The following SPTBN1 variants were observed in gnomAD, a reference collection of about 807,000 sequenced individuals.
SPTBN1 encodes spectrin beta chain, non-erythrocytic 1.
A neutral mutation model predicts 266.4 loss-of-function variants in SPTBN1; 32 were observed. That is an observed-to-expected ratio of 0.12 (90% CI 0.09 to 0.16). The LOEUF is 0.16. Ranked by LOEUF, SPTBN1 falls within the 10% of genes least tolerant of loss-of-function variation. The pLI is 1.00. For missense variants in SPTBN1, 2,296 were observed against 3,067.1 expected, an observed-to-expected ratio of 0.75 and a Z score of 5.94; for synonymous variants, 1,336 against 1,162.2, an observed-to-expected ratio of 1.15 and a Z score of -3.04.
At chr2:54,513,993 T>C (rs73932789) in intron 1 of SPTBN1, among the ~76,000 whole-genome samples, 1 of 152,190 alleles carries the variant, frequency 6.6e-6, no homozygotes, top group South Asian at 2.1e-4. Context: ...TTAGAGAGTA[T>C]TATATGTAAG....
At chr2:54,627,639 G>T (rs1678442793) in intron 12 of SPTBN1, among the ~76,000 whole-genome samples, 1 of 152,186 alleles carries the variant, frequency 6.6e-6, no homozygotes, top group South Asian at 2.1e-4. Flanking sequence ...ACTTCTAAAA[G>T]ATTTCTTTCA....
chr2:54,668,105 G>A (rs908573125), intron 35 of SPTBN1, among the ~76,000 whole-genome samples: 2 of 152,200 alleles, frequency 1.3e-5, no homozygotes, highest in Non-Finnish European at 1.5e-5. Flanking sequence ...ATTGAGACTG[G>A]TCTTCCAGCT....
intron 2 of SPTBN1, among the ~76,000 whole-genome samples, chr2:54,555,899 C>T (rs1400578623): frequency 1.3e-5 from 2 of 152,202 alleles, no homozygotes; most frequent in Admixed American, 6.5e-5. Context: ...ACCTACCTTT[C>T]TCCAAAAGGC....
chr2:54,514,951 T>G (rs1305663228), intron 1 of SPTBN1, among the ~76,000 whole-genome samples: 3 of 152,320 alleles, frequency 2.0e-5, no homozygotes, highest in African/African-American at 7.2e-5. Context: ...GACTAGCAAA[T>G]TAACCACAAC....
chr2:54,465,449 T>C (rs1220962818), intron 1 of SPTBN1, among the ~76,000 whole-genome samples: 1 of 152,128 alleles, frequency 6.6e-6, no homozygotes, highest in Non-Finnish European at 1.5e-5. Flanking sequence ...AGTGAACATT[T>C]TAAAATAAAA....
intron 1 of SPTBN1, among the ~76,000 whole-genome samples, chr2:54,510,483 A>G (rs1210197655): frequency 6.6e-6 from 1 of 152,232 alleles, no homozygotes; most frequent in Non-Finnish European, 1.5e-5. Flanking sequence ...CTCTCTGTGC[A>G]GAGTCATAGA....
intron 2 of SPTBN1, among the ~76,000 whole-genome samples, chr2:54,555,926 T>C (rs375141023): frequency 1.3e-5 from 2 of 152,238 alleles, no homozygotes; most frequent in East Asian, 1.9e-4. Context: ...GTCCTCCTTG[T>C]CCTCTGAATT....
intron 1 of SPTBN1, among the ~76,000 whole-genome samples, chr2:54,521,567 G>A (rs558854359): frequency 6.6e-6 from 1 of 152,284 alleles, no homozygotes; most frequent in South Asian, 2.1e-4. Context: ...GGGCTGGAGT[G>A]CAGTGACACG....
chr2:54,552,772 C>A (rs566903556), intron 2 of SPTBN1, among the ~76,000 whole-genome samples: 45 of 152,346 alleles, frequency 3.0e-4, no homozygotes, highest in Admixed American at 2.7e-3. Context: ...TGCTTTTAAC[C>A]ACTTTTTCTC....
In SPTBN1 at chr2:54,653,600, G is replaced by T. The variant is rs1236669437; in HGVS notation, c.5578-9G>T. 3 of 1,612,724 alleles carry T rather than the reference G, an allele frequency of 1.9e-6. No homozygotes were observed. Among genetic ancestry groups the T allele is most frequent in the Admixed American group, 1.7e-5 (1 of 59,660 alleles). Reference sequence around the variant, plus strand: ...GCTGACCTGGCTCATCCCCTACATGGCTTCACAGGTGAGGCAGCTGCAGGA... The same window carrying T: ...GCTGACCTGGCTCATCCCCTACATGTCTTCACAGGTGAGGCAGCTGCAGGA... On this transcript the variant is annotated splice_polypyrimidine_tract_variant and intron_variant, in intron 26 of 35. Coordinates refer to ENST00000356805, the MANE Select transcript of SPTBN1 (RefSeq NM_003128.3). This position sits in a 1 kb window ranked among gnomAD's most constrained non-coding sequence, Gnocchi z 5.1.
intron 4 of SPTBN1, among the ~76,000 whole-genome samples, chr2:54,615,862 T>C (rs935876504): frequency 6.6e-6 from 1 of 152,192 alleles, no homozygotes; most frequent in Non-Finnish European, 1.5e-5. Context: ...AAAACCGAAC[T>C]CAGTATTTTT....
At chr2:54,604,794 C>T (rs1443596233) in intron 3 of SPTBN1, among the ~76,000 whole-genome samples, 15 of 152,086 alleles carry the variant, frequency 9.9e-5, no homozygotes. Context: ...GAAAAAAACA[C>T]AGGAATCCAC....
chr2:54,633,806 G>A (rs2103960299), intron 17 of SPTBN1, among the ~76,000 whole-genome samples: 1 of 152,296 alleles, frequency 6.6e-6, no homozygotes, highest in East Asian at 1.9e-4. Flanking sequence ...AATAAGATGG[G>A]TGGAGAGGGG....
chr2:54,536,719 T>C (rs1431339955), intron 2 of SPTBN1, among the ~76,000 whole-genome samples: 1 of 152,112 alleles, frequency 6.6e-6, no homozygotes, highest in Non-Finnish European at 1.5e-5. Context: ...CAAAGATATG[T>C]GTGTGGTGGA....
chr2:54,508,597 C>T (rs1003968284), intron 1 of SPTBN1, among the ~76,000 whole-genome samples: 1 of 151,982 alleles, frequency 6.6e-6, no homozygotes, highest in Non-Finnish European at 1.5e-5. Flanking sequence ...ATAGAATGGG[C>T]CTGTGAGACT....
rs1572760597 is a variant in SPTBN1 at position 54,653,547 on chromosome 2, T to C, written c.5578-62T>C. On this transcript the variant is annotated intron_variant, in intron 26 of 35. Transcript: ENST00000356805. The surrounding 1 kb of genome is among the most constrained non-coding windows in gnomAD (Gnocchi z 5.1). ...TGTATGAGCAGAACAGAATAGGGCT[T>C]GGGGTGATGGTGGGAAGGCCGCCAT... The C allele has an allele frequency of 2.5e-6, 4 of 1,590,316 alleles. No homozygotes were observed. The highest frequency in any genetic ancestry group is 3.4e-6 in the Non-Finnish European group (4 of 1,173,590).
chr2:54,635,000 A>T (rs1035582419), intron 17 of SPTBN1, among the ~76,000 whole-genome samples: 3 of 152,140 alleles, frequency 2.0e-5, no homozygotes, highest in Admixed American at 6.5e-5. Flanking sequence ...ATAAAGCAAG[A>T]CCCTGTCTCA....
chr2:54,594,582 C>T (rs1223886465), intron 2 of SPTBN1, among the ~76,000 whole-genome samples: 1 of 152,032 alleles, frequency 6.6e-6, no homozygotes, highest in East Asian at 1.9e-4. Context: ...GACGACTGTG[C>T]CTGGGACATA....
At chr2:54,477,006 AAC>A (rs1311579665) in intron 1 of SPTBN1, among the ~76,000 whole-genome samples, 1 of 114,284 alleles carries the variant, frequency 8.8e-6, no homozygotes, top group African/African-American at 4.3e-5. Flanking sequence ...AGATGGTCCA[AAC>A]ACACCGAGTT....
Sources: gnomAD v4.1 joint callset for allele counts (sites outside exome capture counted in the v4.1 genomes callset) on GRCh38, gnomAD v4.1.1 for gene constraint, Gnocchi (gnomAD v3.1) non-coding constraint, MANE v1.5 for transcripts, NCBI Gene and HGNC (gene_info 2026-07-23, HGNC 2026-07-21) for gene names.